Variants in EDA observed in about 807,000 individuals in gnomAD.
EDA encodes the protein ectodysplasin A, also known as ectodysplasin-A.
In EDA, 2 loss-of-function variants were observed where a neutral mutation model predicts 23.6. The observed-to-expected ratio is 0.08, with a 90% CI of 0.03 to 0.27. The LOEUF is 0.27. Among genes scored for constraint, EDA ranks in the 10% least tolerant of loss-of-function variants. The pLI, the probability that EDA is intolerant of heterozygous loss-of-function variation, is 1.00. For missense variants in EDA, 229 were observed against 324.2 expected (o/e 0.71, Z 2.26); for synonymous variants, 131 against 132.0 (o/e 0.99, Z 0.05).
rs1223244079 is a variant in EDA at position 69,978,502 on chromosome X, C to CAAAAA, written c.502+21384_502+21388dup. Among the ~76,000 whole-genome samples the CAAAAA allele has an allele frequency of 3.2e-4, 15 of 46,816 alleles. No individual in the cohort carries two copies. In the East Asian group the frequency reaches 4.8e-3, roughly 15 times the overall value. The allele number at this position is 46,816 out of a possible 115,157, so 40.7% of individuals were successfully genotyped here. On this transcript the variant is annotated intron_variant, in intron 2 of 7. Transcript: ENST00000374552. ...TGGGTGACAGAGCCAGAATCTGTCTCAAAAAAAAAAAAAAAAAAGAAAGAA... is the reference window on the plus strand; with the variant it reads ...TGGGTGACAGAGCCAGAATCTGTCTCAAAAAAAAAAAAAAAAAAAAAAAGAAAGAA...
chrX:69,920,099 T>G (rs149086105), intron 1 of EDA, among the ~76,000 whole-genome samples: 112 of 111,317 alleles, frequency 1.0e-3, no homozygotes, highest in African/African-American at 3.6e-3. Flanking sequence ...GAAATACCAT[T>G]TTTTCCCTTC....
At chrX:69,667,927 A>G (rs1359789411) in intron 1 of EDA, among the ~76,000 whole-genome samples, 1 of 111,697 alleles carries the variant, frequency 9.0e-6, no homozygotes, top group Non-Finnish European at 1.9e-5. Context: ...CACTCTCACA[A>G]TAACTAATTC....
chrX:69,945,450 A>T (rs1205242058), intron 1 of EDA, among the ~76,000 whole-genome samples: 1 of 112,187 alleles, frequency 8.9e-6, no homozygotes, highest in Admixed American at 9.4e-5. Flanking sequence ...TGAACTGGAC[A>T]AACCTACATT....
intron 1 of EDA, among the ~76,000 whole-genome samples, chrX:69,872,059 A>G (rs1029095199): frequency 8.9e-6 from 1 of 112,159 alleles, no homozygotes; most frequent in Non-Finnish European, 1.9e-5. Flanking sequence ...CTCAACAGAA[A>G]CCCTACAAGG....
intron 1 of EDA, among the ~76,000 whole-genome samples, chrX:69,703,460 C>G (rs888272883): frequency 3.6e-5 from 4 of 112,060 alleles, no homozygotes; most frequent in Non-Finnish European, 7.5e-5. Flanking sequence ...GTTCTTGTAT[C>G]TGTTCTAATC....
intron 2 of EDA, among the ~76,000 whole-genome samples, chrX:70,010,109 A>G (rs1432924677): frequency 8.9e-6 from 1 of 112,047 alleles, no homozygotes; most frequent in South Asian, 3.8e-4. Flanking sequence ...GAAGTATTCT[A>G]TAAACGTCAG....
chrX:69,839,016 A>G lies in EDA; in HGVS notation c.397-118011A>G, dbSNP rs781285877. On this transcript the variant is annotated intron_variant, in intron 1 of 7. Transcript: ENST00000374552. ...CTGTCCATATAGGCAGATATAGAAA[A>G]TGTGTATTTATGAACCGAACTAATC... Among the ~76,000 whole-genome samples, 4 of 112,172 alleles carry G rather than the reference A, an allele frequency of 3.6e-5. No homozygotes were observed. The South Asian group carries it at 1.5e-3, about 42-fold the overall frequency.
At chrX:69,991,417 T>A (rs1197946650) in intron 2 of EDA, among the ~76,000 whole-genome samples, 1 of 111,421 alleles carries the variant, frequency 9.0e-6, no homozygotes, top group Non-Finnish European at 1.9e-5. Context: ...CTTCATGCTC[T>A]GGCTCTACTT....
At chrX:69,795,183 C>T (rs1275896842) in intron 1 of EDA, among the ~76,000 whole-genome samples, 3 of 110,240 alleles carry the variant, frequency 2.7e-5, no homozygotes, top group Non-Finnish European at 5.7e-5. Flanking sequence ...TCCACCCCAC[C>T]ACACCCAGCT....
At chrX:69,906,750 T>C (rs1206376184) in intron 1 of EDA, among the ~76,000 whole-genome samples, 1 of 110,988 alleles carries the variant, frequency 9.0e-6, no homozygotes, top group African/African-American at 3.3e-5. Context: ...CACACACACA[T>C]ACACGCACGC....
chrX:69,801,680 C>T (rs2015689506), intron 1 of EDA, among the ~76,000 whole-genome samples: 1 of 111,450 alleles, frequency 9.0e-6, no homozygotes, highest in Admixed American at 9.6e-5. Flanking sequence ...ATAAAAGACA[C>T]CCATTATAAA....
At chrX:69,634,173 A>C (rs1179405051) in intron 1 of EDA, among the ~76,000 whole-genome samples, 1 of 112,491 alleles carries the variant, frequency 8.9e-6, no homozygotes, top group African/African-American at 3.2e-5. Context: ...TGTCTATCCA[A>C]ATCCTTTGTC....
intron 2 of EDA, among the ~76,000 whole-genome samples, chrX:70,014,631 A>T (rs5936821): frequency 0.07 from 7,807 of 112,222 alleles, 284 homozygotes; most frequent in Middle Eastern, 0.14. Flanking sequence ...GATTCAGGAG[A>T]AAGTCAAAAC....
At chrX:69,896,861 T>C (rs1237233437) in intron 1 of EDA, among the ~76,000 whole-genome samples, 2 of 111,861 alleles carry the variant, frequency 1.8e-5, no homozygotes, top group Non-Finnish European at 3.8e-5. Context: ...TAGCTATTTT[T>C]AAAACTATAT....
At chrX:70,016,713 C>T (rs1310055020) in intron 2 of EDA, among the ~76,000 whole-genome samples, 1 of 111,555 alleles carries the variant, frequency 9.0e-6, no homozygotes, top group Non-Finnish European at 1.9e-5. Flanking sequence ...ATCTCTCGGG[C>T]ACTGCTAAAG....
At chrX:69,794,959 G>T (rs993740178) in intron 1 of EDA, among the ~76,000 whole-genome samples, 2 of 111,854 alleles carry the variant, frequency 1.8e-5, no homozygotes, top group African/African-American at 6.5e-5. Context: ...AAACTCTGGA[G>T]CTCAAAAGAG....
chrX:69,863,239 T>C (rs2017417231), intron 1 of EDA, among the ~76,000 whole-genome samples: 1 of 109,067 alleles, frequency 9.2e-6, no homozygotes, highest in Non-Finnish European at 1.9e-5. Context: ...ATACTGATAT[T>C]TGAGACTCCC....
intron 1 of EDA, among the ~76,000 whole-genome samples, chrX:69,700,428 T>C (rs1230575982): frequency 9.0e-6 from 1 of 111,144 alleles, no homozygotes; most frequent in Non-Finnish European, 1.9e-5. Context: ...TTGGAGGGAA[T>C]TGCGGAAAGT....
At chrX:70,034,965 T>A (rs1195655715) in intron 7 of EDA, among the ~76,000 whole-genome samples, 1 of 103,986 alleles carries the variant, frequency 9.6e-6, no homozygotes, top group Non-Finnish European at 1.9e-5. Flanking sequence ...GGCTCAAGAA[T>A]GGAAGTCAGT....
Sources: gnomAD v4.1 joint callset for allele counts (sites outside exome capture counted in the v4.1 genomes callset) on GRCh38, gnomAD v4.1.1 for gene constraint, MANE v1.5 for transcripts, NCBI Gene and HGNC (gene_info 2026-07-23, HGNC 2026-07-21) for gene names.